Variants in KCNB2 observed in about 807,000 individuals in gnomAD.
KCNB2 encodes the protein potassium voltage-gated channel subfamily B member 2.
In KCNB2, 15 loss-of-function variants were observed where a neutral mutation model predicts 61.5. That is an observed-to-expected ratio of 0.24 (90% CI 0.16 to 0.38). The LOEUF (loss-of-function observed/expected upper bound fraction) is 0.38. KCNB2 is among the 10% of genes least tolerant of loss of function. The pLI, the probability that KCNB2 is intolerant of heterozygous loss-of-function variation, is 1.00. For synonymous variants in KCNB2, 457 were observed against 446.0 expected, an observed-to-expected ratio of 1.02 and a Z score of -0.31; for missense variants, 828 against 1,125.2, an observed-to-expected ratio of 0.74 and a Z score of 3.78.
At chr8:72,730,398 A>T (rs1156601963) in intron 2 of KCNB2, among the ~76,000 whole-genome samples, 1 of 152,238 alleles carries the variant, frequency 6.6e-6, no homozygotes, top group Admixed American at 6.5e-5. Context: ...ATGTCAATTG[A>T]ATACTAAAAT....
chr8:72,670,419 T>A (rs1806545240), intron 2 of KCNB2, among the ~76,000 whole-genome samples: 1 of 152,194 alleles, frequency 6.6e-6, no homozygotes, highest in Non-Finnish European at 1.5e-5. Flanking sequence ...GAACTTTGCA[T>A]GCACTTTGTC....
chr8:72,926,301 T>A lies in KCNB2; in HGVS notation c.580-9634T>A, dbSNP rs1806647517. 3.9e-5 allele frequency among the ~76,000 whole-genome samples: 6 copies of A among 152,154 alleles called. No individual in the cohort carries two copies. In the South Asian group the frequency reaches 1.2e-3, roughly 32 times the overall value. On this transcript the variant is annotated intron_variant, in intron 2 of 2. Transcript: ENST00000523207. ...TTAAGAGAAATTTCATAACCTAAAG[T>A]TCTTATTAGAATACTCTTTAACATG...
At chr8:72,874,326 C>T (rs1404030482) in intron 2 of KCNB2, among the ~76,000 whole-genome samples, 3 of 152,094 alleles carry the variant, frequency 2.0e-5, no homozygotes, top group Admixed American at 1.3e-4. Context: ...TGAGGGCTGC[C>T]GGCTTTATTT....
At chr8:72,915,174 G>A (rs780417891) in intron 2 of KCNB2, among the ~76,000 whole-genome samples, 24 of 152,024 alleles carry the variant, frequency 1.6e-4, no homozygotes, top group Admixed American at 2.6e-4. Context: ...CTCCATGATC[G>A]GCCTCCCAAA....
chr8:72,575,158 T>C (rs745537732), intron 2 of KCNB2, among the ~76,000 whole-genome samples: 1 of 152,206 alleles, frequency 6.6e-6, no homozygotes, highest in Non-Finnish European at 1.5e-5. Flanking sequence ...ATCTGATAAA[T>C]ACATGAAATT....
At chr8:72,612,915 A>C (rs961261433) in intron 2 of KCNB2, among the ~76,000 whole-genome samples, 1 of 152,198 alleles carries the variant, frequency 6.6e-6, no homozygotes. Flanking sequence ...CATTTTTGGA[A>C]AATTAAATAT....
Position 72,599,315 on chromosome 8 carries a change from C to A in KCNB2, c.579+31002C>A, listed in dbSNP as rs189343521. Among the ~76,000 whole-genome samples the A allele has an allele frequency of 9.2e-5, 14 of 152,288 alleles. No individual in the cohort carries two copies. The East Asian group carries it at 2.7e-3, about 29-fold the overall frequency. Reference sequence around the variant, plus strand: ...TGCCGCATATCTACAACTATCTGATCTTTGACAAACCTGACAAAAACAAGC... The same window carrying A: ...TGCCGCATATCTACAACTATCTGATATTTGACAAACCTGACAAAAACAAGC... On this transcript the variant is annotated intron_variant, in intron 2 of 2. Transcript: ENST00000523207.
At chr8:72,812,931 G>A (rs1377327514) in intron 2 of KCNB2, among the ~76,000 whole-genome samples, 1 of 152,048 alleles carries the variant, frequency 6.6e-6, no homozygotes, top group Admixed American at 6.5e-5. Context: ...TTATTCTTCT[G>A]TGCCTTAGAG....
chr8:72,726,303 G>A (rs1212742944), intron 2 of KCNB2, among the ~76,000 whole-genome samples: 1 of 152,154 alleles, frequency 6.6e-6, no homozygotes, highest in Non-Finnish European at 1.5e-5. Context: ...CTGGCACCTT[G>A]ATCTCAGATT....
At chr8:72,749,252 G>C (rs1432651392) in intron 2 of KCNB2, 1 of 152,070 alleles carries the variant, frequency 6.6e-6, no homozygotes, top group African/African-American at 2.4e-5. Flanking sequence ...CAGAGTAGCT[G>C]GGACTATAGG....
chr8:72,716,190 A>G (rs1363607875), intron 2 of KCNB2, among the ~76,000 whole-genome samples: 1 of 152,192 alleles, frequency 6.6e-6, no homozygotes, highest in Non-Finnish European at 1.5e-5. Context: ...AACCAAAAAA[A>G]GTCCAGGACC....
intron 2 of KCNB2, among the ~76,000 whole-genome samples, chr8:72,793,388 A>G (rs1808977415): frequency 6.6e-6 from 1 of 151,896 alleles, no homozygotes; most frequent in African/African-American, 2.4e-5. Flanking sequence ...ACAAATGACA[A>G]GAAGGAGCCA....
intron 2 of KCNB2, among the ~76,000 whole-genome samples, chr8:72,884,416 T>C (rs1023297829): frequency 9.2e-5 from 14 of 152,132 alleles, no homozygotes; most frequent in Non-Finnish European, 1.9e-4. Context: ...CGTGTGTGTA[T>C]GTGTTGTGGG....
At chr8:72,868,833 G>T (rs2129004597) in intron 2 of KCNB2, among the ~76,000 whole-genome samples, 1 of 152,208 alleles carries the variant, frequency 6.6e-6, no homozygotes, top group South Asian at 2.1e-4. Context: ...TGGGCCATAG[G>T]TGCACATCTT....
At chr8:72,583,045 A>C (rs1806932434) in intron 2 of KCNB2, among the ~76,000 whole-genome samples, 2 of 151,154 alleles carry the variant, frequency 1.3e-5, no homozygotes, top group Admixed American at 1.3e-4. Context: ...TTGTAATCCA[A>C]AAAAAAAAAT....
intron 2 of KCNB2, among the ~76,000 whole-genome samples, chr8:72,578,068 C>T (rs1806826119): frequency 6.6e-6 from 1 of 152,142 alleles, no homozygotes; most frequent in Non-Finnish European, 1.5e-5. Context: ...ACATTCATGT[C>T]AGAGCATGTA....
chr8:72,763,238 G>A (rs540736327), intron 2 of KCNB2, among the ~76,000 whole-genome samples: 10 of 152,032 alleles, frequency 6.6e-5, no homozygotes, highest in South Asian at 2.1e-4. Context: ...TAGCTCACCC[G>A]CACCACTTGG....
At position 72,923,462 on chromosome 8, in the gene KCNB2, G is replaced by A. The variant is rs1196578537; in HGVS notation, c.580-12473G>A. ...ATCTTACTGCTACAGAGTCTGCTTT[G>A]TCAGTCTTAAGGTCTTTGCTTTAAT... is the stretch of plus-strand genomic sequence containing the variant. On this transcript the variant is annotated intron_variant, in intron 2 of 2. Transcript: ENST00000523207. Among the ~76,000 whole-genome samples, 20 of 152,146 alleles carry A rather than the reference G, an allele frequency of 1.3e-4. 1 individual carries two copies. The highest frequency in any genetic ancestry group is 9.8e-4 in the Admixed American group (15 of 15,260).
rs1457804231 is a variant in KCNB2 at position 72,574,968 on chromosome 8, A to C, written c.579+6655A>C. On this transcript the variant is annotated intron_variant, in intron 2 of 2. Transcript: ENST00000523207. ...AAGGGTTTGAATAATGTTTTTGATT[A>C]GGTGTTCTTATCTGAGTTTTATCTA... is the stretch of plus-strand genomic sequence containing the variant. Among the ~76,000 whole-genome samples the C allele has an allele frequency of 2.0e-5, 3 of 152,184 alleles. No individual in the cohort carries two copies. In the South Asian group the frequency reaches 6.2e-4, roughly 31 times the overall value.
Sources: allele counts gnomAD v4.1 joint callset (sites outside exome capture counted in the v4.1 genomes callset), GRCh38; gene constraint gnomAD v4.1.1; transcripts MANE v1.5; gene names NCBI Gene and HGNC (gene_info 2026-07-23, HGNC 2026-07-21).